TOP6BL: variants seen among roughly 807,000 people sequenced by gnomAD.
TOP6BL encodes TOP6B like initiator of meiotic double strand breaks, also known as type 2 DNA topoisomerase 6 subunit B-like.
chr11:66,800,211 G>A, the TOP6BL span, among the ~76,000 whole-genome samples: 1 of 152,176 alleles, frequency 6.6e-6, no homozygotes, highest in Admixed American at 6.5e-5. Context: ...ATAGAATGGT[G>A]GTTACCAGAG....
the TOP6BL span, among the ~76,000 whole-genome samples, chr11:66,778,371 CAG>C: frequency 3.3e-5 from 5 of 152,234 alleles, no homozygotes; most frequent in East Asian, 5.8e-4. Flanking sequence ...CCCAGCTACT[CAG>C]GGGGATCTTT....
the TOP6BL span, among the ~76,000 whole-genome samples, chr11:66,785,417 G>A: frequency 6.6e-6 from 1 of 152,066 alleles, no homozygotes; most frequent in East Asian, 1.9e-4. Flanking sequence ...TTAGGTATAA[G>A]TGCATTGGTT....
the TOP6BL span, chr11:66,758,302 C>CTTTTCTTTTTTTTTTTTTTT: frequency 4.2e-4 from 28 of 67,316 alleles, no homozygotes; most frequent in East Asian, 5.4e-3. Flanking sequence ...TTTTCTTTTT[C>CTTTTCTTTTTTTTTTTTTTT]TTTTTTTTTT....
the TOP6BL span, among the ~76,000 whole-genome samples, chr11:66,803,336 C>G: frequency 6.6e-6 from 1 of 152,162 alleles, no homozygotes; most frequent in South Asian, 2.1e-4. Flanking sequence ...AGTCCCAGCA[C>G]TTTGGGAGGC....
At chr11:66,842,985 C>T in the TOP6BL span, 374 of 1,550,422 alleles carry the variant, frequency 2.4e-4, no homozygotes, top group Non-Finnish European at 3.2e-4. Context: ...CCGCGGCCCC[C>T]CTCACTCCTA....
chr11:66,804,508 T>G, the TOP6BL span, among the ~76,000 whole-genome samples: 1 of 152,188 alleles, frequency 6.6e-6, no homozygotes, highest in Non-Finnish European at 1.5e-5. Flanking sequence ...TACTAAGGAT[T>G]GTGAATTTTA....
At chr11:66,754,304 TA>T in the TOP6BL span, among the ~76,000 whole-genome samples, 1 of 152,198 alleles carries the variant, frequency 6.6e-6, no homozygotes, top group African/African-American at 2.4e-5. Context: ...ATTTAGATAT[TA>T]GACTTCCTAG....
the TOP6BL span, chr11:66,756,348 C>A: frequency 8.8e-7 from 1 of 1,131,650 alleles, no homozygotes; most frequent in Non-Finnish European, 1.1e-6. Context: ...TTTTTTTTTT[C>A]TCAGGATGGA....
chr11:66,805,296 G>A, the TOP6BL span, among the ~76,000 whole-genome samples: 3 of 152,058 alleles, frequency 2.0e-5, no homozygotes, highest in South Asian at 4.2e-4. Context: ...TGGTAGGCAC[G>A]GAAAGGCCAG....
the TOP6BL span, among the ~76,000 whole-genome samples, chr11:66,817,450 G>A: frequency 3.3e-5 from 5 of 151,808 alleles, no homozygotes; most frequent in Non-Finnish European, 4.4e-5. Context: ...TGATGATGAT[G>A]ATTTTTGAGA....
the TOP6BL span, among the ~76,000 whole-genome samples, chr11:66,780,430 T>C: frequency 6.6e-6 from 1 of 152,188 alleles, no homozygotes; most frequent in Non-Finnish European, 1.5e-5. Flanking sequence ...AGCAGCAGAT[T>C]ATTTCATCTT....
the TOP6BL span, among the ~76,000 whole-genome samples, chr11:66,809,031 G>A: frequency 5.3e-5 from 8 of 152,240 alleles, no homozygotes; most frequent in East Asian, 9.7e-4. Flanking sequence ...TGCAAGCTCC[G>A]CCTCCCGGGT....
chr11:66,828,534 CTA>C, the TOP6BL span: 2 of 576,358 alleles, frequency 3.5e-6, no homozygotes, highest in African/African-American at 1.9e-5. Flanking sequence ...TCAGGAATGA[CTA>C]TCCCACTGGT....
At chr11:66,795,745 C>T in the TOP6BL span, among the ~76,000 whole-genome samples, 1 of 147,564 alleles carries the variant, frequency 6.8e-6, no homozygotes, top group Non-Finnish European at 1.5e-5. Flanking sequence ...TTTTTTTTTA[C>T]AGAACCAGTA....
chr11:66,839,504 G>T, the TOP6BL span, among the ~76,000 whole-genome samples: 1 of 152,168 alleles, frequency 6.6e-6, no homozygotes, highest in African/African-American at 2.4e-5. Flanking sequence ...CGTGACGTCA[G>T]CACCTATGCT....
the TOP6BL span, chr11:66,759,137 C>G: frequency 7.9e-7 from 1 of 1,272,072 alleles, no homozygotes; most frequent in South Asian, 1.8e-5. Flanking sequence ...AATATCTTCC[C>G]GACAATTAAT....
the TOP6BL span, among the ~76,000 whole-genome samples, chr11:66,829,924 A>T: frequency 6.6e-6 from 1 of 152,204 alleles, no homozygotes; most frequent in African/African-American, 2.4e-5. Flanking sequence ...ATAAACAAAC[A>T]TAAAACTAAT....
the TOP6BL span, chr11:66,744,981 G>C: frequency 2.4e-6 from 3 of 1,237,190 alleles, no homozygotes; most frequent in Non-Finnish European, 3.0e-6. Flanking sequence ...TTTGTGAGGA[G>C]ACCGCGAAGT....
At chr11:66,842,712 G>C in the TOP6BL span, 1 of 853,206 alleles carries the variant, frequency 1.2e-6, no homozygotes, top group East Asian at 2.8e-5. Flanking sequence ...GCAGGGTTTT[G>C]GTGTGGATGG....
Sources: allele counts gnomAD v4.1 joint callset (sites outside exome capture counted in the v4.1 genomes callset), GRCh38; gene constraint gnomAD v4.1.1; transcripts MANE v1.5; gene names NCBI Gene and HGNC (gene_info 2026-07-23, HGNC 2026-07-21).